CTSD: variants seen among roughly 807,000 people sequenced by gnomAD.
The protein encoded by CTSD is ceroid-lipofuscinosis, neuronal 10.
Under a neutral mutation model 43.6 loss-of-function variants are expected in CTSD, and 28 were observed. That is an observed-to-expected ratio of 0.64 (90% CI 0.48 to 0.88). CTSD has a LOEUF of 0.88. Ranked by LOEUF, CTSD falls within the 40% of genes least tolerant of loss-of-function variation. The pLI is 0.00. For synonymous variants in CTSD, 270 were observed against 249.8 expected, an observed-to-expected ratio of 1.08 and a Z score of -0.76; for missense variants, 485 against 555.2, an observed-to-expected ratio of 0.87 and a Z score of 1.27.
At position 1,763,895 on chromosome 11, in the gene CTSD, C is replaced by T. The variant is rs1474705113; in HGVS notation, c.-36G>A. On this transcript the variant is annotated 5_prime_UTR_variant, in exon 1 of 9. Transcript: ENST00000236671. ...GCCGGGTCGGAGAGGGTCGCCGAGGCCGTGCGCTTATAGCCGGGATGACGC... is the reference window on the plus strand; with the variant it reads ...GCCGGGTCGGAGAGGGTCGCCGAGGTCGTGCGCTTATAGCCGGGATGACGC... 9 of 1,509,520 alleles carry T rather than the reference C, an allele frequency of 6.0e-6. No homozygotes were observed. The highest frequency in any genetic ancestry group is 2.5e-5 in the South Asian group (2 of 81,618). The allele number at this position is 1,509,520 out of a possible 1,614,324, so 93.5% of individuals were successfully genotyped here. A position where few individuals can be genotyped will look rare whatever the true frequency, so the allele number is the denominator to read the frequency against.
At chr11:1,757,732 CG>C (rs1214118794) in intron 4 of CTSD, among the ~76,000 whole-genome samples, 176 bp from the exon 5 acceptor site, 2 of 152,196 alleles carry the variant, frequency 1.3e-5, no homozygotes, top group African/African-American at 2.4e-5. Context: ...GATGGGGACA[CG>C]GGGTATGGCG....
intron 5 of CTSD, among the ~76,000 whole-genome samples, chr11:1,757,077 C>T (rs1214082573): frequency 6.6e-6 from 1 of 152,254 alleles, no homozygotes; most frequent in Non-Finnish European, 1.5e-5. Flanking sequence ...GGTCCCAGGA[C>T]CCACAGCCTG....
chr11:1,761,224 C>A, intron 2 of CTSD, 85 bp downstream of exon 2: 1 of 1,499,210 alleles, frequency 6.7e-7, no homozygotes, highest in Non-Finnish European at 9.3e-7. Context: ...CTGCTGAGAA[C>A]AGGAGGTGGG....
At position 1,758,885 on chromosome 11, in the gene CTSD, C is replaced by G. The variant is rs1002158423; in HGVS notation, c.471+84G>C. On this transcript the variant is annotated intron_variant, in intron 4 of 8. Transcript: ENST00000236671. ...GGGGTTGGGCTGGGATCACCGAGCCCTCCCTTTCAACCACATACCCACGGT... is the reference window on the plus strand; with the variant it reads ...GGGGTTGGGCTGGGATCACCGAGCCGTCCCTTTCAACCACATACCCACGGT... 9 of 1,029,160 alleles carry G rather than the reference C, an allele frequency of 8.7e-6. No homozygotes were observed. The African/African-American group carries it at 1.3e-4, about 14-fold the overall frequency. 63.8% of individuals were successfully genotyped at this position (1,029,160 alleles called of 1,614,324 possible). A position where few individuals can be genotyped will look rare whatever the true frequency, so the allele number is the denominator to read the frequency against.
intron 6 of CTSD, among the ~76,000 whole-genome samples, chr11:1,754,659 G>A (rs554478300): frequency 3.4e-5 from 5 of 147,938 alleles, no homozygotes; most frequent in Admixed American, 1.3e-4. Context: ...GTGGGTCATG[G>A]AGAGTCACAG....
intron 3 of CTSD, 22 bp downstream of exon 3, chr11:1,759,494 G>A (rs1340014280): frequency 9.3e-6 from 15 of 1,612,550 alleles, no homozygotes; most frequent in African/African-American, 5.3e-5. Flanking sequence ...CCTGGGCGAC[G>A]GGGCCAGGGT....
At position 1,763,836 on chromosome 11, in the gene CTSD, C is replaced by G. The variant is rs1478870280; in HGVS notation, c.24G>C (p.Pro8=). The change falls in exon 1 of 9, where the codon CCG becomes CCC. Residue 8 remains proline, a synonymous_variant. Transcript: ENST00000236671. The part of the protein sequence containing the change: MQPSSLL[P]LALCLLAAPA... The stretch of plus-strand genomic sequence containing the variant: ...GTGCAGCCAGCAGGCAGAGGGCGAG[C>G]GGCAGAAGGCTGGAGGGCTGCATGG... 15 of 1,527,704 alleles carry G rather than the reference C, an allele frequency of 9.8e-6. No homozygotes were observed. Among genetic ancestry groups the G allele is most frequent in the Non-Finnish European group, 1.2e-5 (14 of 1,142,886 alleles). 94.6% of individuals were successfully genotyped at this position (1,527,704 alleles called of 1,614,324 possible). A position where few individuals can be genotyped will look rare whatever the true frequency, so the allele number is the denominator to read the frequency against.
intron 1 of CTSD, chr11:1,763,578 C>T: frequency 1.9e-6 from 1 of 522,960 alleles, no homozygotes; most frequent in Non-Finnish European, 3.3e-6. Flanking sequence ...GCATCTGGCG[C>T]CTCTGCCCCG....
At chr11:1,761,822 T>C (rs572917608) in intron 1 of CTSD, 2 of 392,580 alleles carry the variant, frequency 5.1e-6, no homozygotes, top group Non-Finnish European at 9.8e-6. Flanking sequence ...GCACCTGCGC[T>C]GGTCTCTTCC....
intron 2 of CTSD, 129 bp from the exon 3 acceptor site, chr11:1,759,768 G>T: frequency 9.9e-7 from 1 of 1,013,098 alleles, no homozygotes; most frequent in Non-Finnish European, 1.4e-6. Flanking sequence ...GCCCACAGCT[G>T]CCAACAGCCA....
intron 4 of CTSD, 44 bp downstream of exon 4, chr11:1,758,925 C>A: frequency 7.2e-7 from 1 of 1,398,072 alleles, no homozygotes; most frequent in East Asian, 2.3e-5. Flanking sequence ...GAACCCCACA[C>A]CCTGGCACCC....
chr11:1,755,671 G>A (rs1328937375), intron 5 of CTSD, among the ~76,000 whole-genome samples: 1 of 152,110 alleles, frequency 6.6e-6, no homozygotes, highest in African/African-American at 2.4e-5. Context: ...AAATCCTGCC[G>A]GTCCTGGTAG....
chr11:1,762,903 G>A (rs61869050), intron 1 of CTSD: 4,539 of 152,506 alleles, frequency 0.03, 84 homozygotes, highest in Non-Finnish European at 0.045. Context: ...TCCAGCCCCT[G>A]CAGCCTTCTG....
intron 7 of CTSD, 41 bp from the exon 8 acceptor site, chr11:1,753,942 C>A (rs1845761635): frequency 6.2e-7 from 1 of 1,611,806 alleles, no homozygotes; most frequent in African/African-American, 1.3e-5. Context: ...TAGTGGTGGC[C>A]TTGGGGCTCC....
chr11:1,759,477 G>A (rs907975769), intron 3 of CTSD, 39 bp downstream of exon 3: 8 of 1,611,742 alleles, frequency 5.0e-6, no homozygotes, highest in Middle Eastern at 1.6e-4. Context: ...ATCCCGGAAG[G>A]GCAGGACCTG....
At chr11:1,757,704 G>C (rs1171379080) in intron 4 of CTSD, 148 bp from the exon 5 acceptor site, 2 of 722,136 alleles carry the variant, frequency 2.8e-6, no homozygotes, top group Non-Finnish European at 4.8e-6. Flanking sequence ...TGGAAACCCT[G>C]AGCTGAACAC....
chr11:1,757,175 G>A (rs971211964), intron 5 of CTSD, 149 bp downstream of exon 5: 40 of 732,080 alleles, frequency 5.5e-5, no homozygotes, highest in Non-Finnish European at 8.2e-5. Flanking sequence ...GCCAACCCCC[G>A]CCTCCCGGAT....
chr11:1,754,463 A>T (rs1845775824), intron 6 of CTSD, among the ~76,000 whole-genome samples: 1 of 88,780 alleles, frequency 1.1e-5, no homozygotes, highest in Non-Finnish European at 2.3e-5. Flanking sequence ...AGACAGATGG[A>T]GGGGATGGAG....
At chr11:1,755,717 C>T (rs938190963) in intron 5 of CTSD, among the ~76,000 whole-genome samples, 3 of 152,190 alleles carry the variant, frequency 2.0e-5, no homozygotes, top group African/African-American at 7.2e-5. Context: ...TCTGCCATCC[C>T]GCCAGAGCGT....
Sources: allele counts gnomAD v4.1 joint callset (sites outside exome capture counted in the v4.1 genomes callset), GRCh38; gene constraint gnomAD v4.1.1; transcripts MANE v1.5; gene names NCBI Gene and HGNC (gene_info 2026-07-23, HGNC 2026-07-21).